The following ABCB11 variants were observed in gnomAD, a reference collection of about 807,000 sequenced individuals.
ABCB11 encodes the protein bile salt export pump.
A neutral mutation model predicts 148.0 loss-of-function variants in ABCB11; 95 were observed. The ratio of observed to expected loss-of-function variants is 0.64; its 90% CI spans 0.54 to 0.76. The LOEUF (loss-of-function observed/expected upper bound fraction) is 0.76. Among genes scored for constraint, ABCB11 ranks in the 30% least tolerant of loss-of-function variants. ABCB11 has a pLI of 0.00. For missense variants in ABCB11, 1,523 were observed against 1,617.8 expected (o/e 0.94, Z 1.01); for synonymous variants, 591 against 555.4 (o/e 1.06, Z -0.90).
intron 9 of ABCB11, among the ~76,000 whole-genome samples, chr2:168,988,734 G>A (rs1694413719): frequency 6.6e-6 from 1 of 152,038 alleles, no homozygotes; most frequent in African/African-American, 2.4e-5. Context: ...AAAGCGATCC[G>A]TGTAACAGTG....
Position 168,945,683 on chromosome 2 carries a change from A to G in ABCB11, c.2344-722T>C, listed in dbSNP as rs182114053. ...AGGGAAGGAAGGGAGGGAGGGAGGG[A>G]ATCGAGATCTGGAAATGTTGTCTGG... On this transcript the variant is annotated intron_variant, in intron 19 of 27. Transcript: ENST00000650372. Among the ~76,000 whole-genome samples, 292 of 151,510 alleles carry G rather than the reference A, an allele frequency of 1.9e-3. 4 individuals are homozygous for G. The highest frequency in any genetic ancestry group is 6.4e-3 in the African/African-American group (266 of 41,368).
chr2:168,985,135 A>G (rs962915243), intron 10 of ABCB11, among the ~76,000 whole-genome samples: 8 of 151,576 alleles, frequency 5.3e-5, no homozygotes, highest in Admixed American at 2.6e-4. Context: ...GCCAACAAAC[A>G]TATGAAAAAA....
chr2:169,006,581 A>C (rs142508262), intron 5 of ABCB11, among the ~76,000 whole-genome samples: 6 of 150,100 alleles, frequency 4.0e-5, no homozygotes, highest in Admixed American at 1.3e-4. Flanking sequence ...AATAAAATAA[A>C]ATAAAAAAGG....
intron 14 of ABCB11, among the ~76,000 whole-genome samples, chr2:168,971,610 T>C (rs935892477): frequency 6.6e-6 from 1 of 152,074 alleles, no homozygotes; most frequent in Non-Finnish European, 1.5e-5. Context: ...TTTAATATAT[T>C]ACCAACAAAG....
chr2:168,953,352 T>G (rs887927194), intron 19 of ABCB11, among the ~76,000 whole-genome samples: 1 of 151,688 alleles, frequency 6.6e-6, no homozygotes, highest in Non-Finnish European at 1.5e-5. Context: ...TAGTTTTGCT[T>G]ATATTTGTTT....
At chr2:168,953,861 T>G (rs560911728) in intron 19 of ABCB11, among the ~76,000 whole-genome samples, 3 of 151,746 alleles carry the variant, frequency 2.0e-5, no homozygotes, top group Admixed American at 6.6e-5. Flanking sequence ...CTCAAAAGAA[T>G]GTAACCATTT....
rs150762316 is a variant in ABCB11 at position 168,994,238 on chromosome 2, G to A, written c.612-356C>T. Among the ~76,000 whole-genome samples the A allele has an allele frequency of 1.3e-3, 198 of 152,110 alleles. 1 individual carries two copies. Among genetic ancestry groups the A allele is most frequent in the Middle Eastern group, 3.4e-3 (1 of 294 alleles). On this transcript the variant is annotated intron_variant, in intron 7 of 27. Coordinates refer to ENST00000650372, the MANE Select transcript of ABCB11 (RefSeq NM_003742.4). ...GCCTGCTGAATCCTTTCAGCCTCAA[G>A]GTTCTAGTCACATACCTTCTCGTGC... is the stretch of plus-strand genomic sequence containing the variant.
chr2:168,974,005 G>A lies in ABCB11; in HGVS notation c.1309-165C>T, dbSNP rs2287621. Among the ~76,000 whole-genome samples, 100,808 of 151,776 alleles carry A rather than the reference G, an allele frequency of 0.66. 34,132 individuals are homozygous for A. The highest frequency in any genetic ancestry group is 0.79 in the African/African-American group (32,722 of 41,410). On this transcript the variant is annotated intron_variant, in intron 12 of 27. Transcript: ENST00000650372. ...GAAATCCATCAAAAACCAGTAAAAGGAAACATTGGCAAGGATGAGGTTTTG... is the reference window on the plus strand; with the variant it reads ...GAAATCCATCAAAAACCAGTAAAAGAAAACATTGGCAAGGATGAGGTTTTG...
chr2:169,008,748 T>C (rs1427364276), intron 5 of ABCB11, among the ~76,000 whole-genome samples: 1 of 152,138 alleles, frequency 6.6e-6, no homozygotes, highest in Non-Finnish European at 1.5e-5. Flanking sequence ...CCTAGAATAG[T>C]TAAACATAGA....
intron 19 of ABCB11, among the ~76,000 whole-genome samples, chr2:168,952,248 A>C (rs2105924808): frequency 6.6e-6 from 1 of 151,772 alleles, no homozygotes; most frequent in Admixed American, 6.6e-5. Flanking sequence ...TTGTAGAATG[A>C]GTTAGGGAGA....
intron 7 of ABCB11, among the ~76,000 whole-genome samples, chr2:168,994,400 A>G (rs974964876): frequency 6.6e-6 from 1 of 152,102 alleles, no homozygotes; most frequent in African/African-American, 2.4e-5. Flanking sequence ...AGTAGTGGTG[A>G]AGAGTGCAGA....
rs752485915 is a variant in ABCB11 at position 168,922,360 on chromosome 2, G to A, written c.*1262C>T. 9.9e-5 allele frequency among the ~76,000 whole-genome samples: 15 copies of A among 152,104 alleles called. No individual in the cohort carries two copies. The highest frequency in any genetic ancestry group is 1.7e-4 in the African/African-American group (7 of 41,408). ...TCAGAGAGGGAGTATGCAGTTTCTCGCTGGAACTGGGGAAAGGCAGCCATC... is the reference window on the plus strand; with the variant it reads ...TCAGAGAGGGAGTATGCAGTTTCTCACTGGAACTGGGGAAAGGCAGCCATC... On this transcript the variant is annotated 3_prime_UTR_variant, in exon 28 of 28. Coordinates refer to ENST00000650372, the MANE Select transcript of ABCB11 (RefSeq NM_003742.4).
At chr2:168,930,379 T>C (rs1031969985) in intron 25 of ABCB11, among the ~76,000 whole-genome samples, 1 of 152,242 alleles carries the variant, frequency 6.6e-6, no homozygotes, top group African/African-American at 2.4e-5. Context: ...TACGGGTAAG[T>C]GAGTGCTTCT....
chr2:169,002,121 C>T lies in ABCB11; in HGVS notation c.390-5399G>A, dbSNP rs371410430. Among the ~76,000 whole-genome samples, 53 of 152,190 alleles carry T rather than the reference C, an allele frequency of 3.5e-4. 1 individual carries two copies. In the South Asian group the frequency reaches 0.01, roughly 30 times the overall value. ...CCGTAAGAACCCAGGAGTGGCTATA[C>T]TAATATCAGACAAAATGGACTTTAA... is the stretch of plus-strand genomic sequence containing the variant. On this transcript the variant is annotated intron_variant, in intron 5 of 27. Transcript: ENST00000650372.
At chr2:168,999,155 A>G (rs1294818411) in intron 5 of ABCB11, among the ~76,000 whole-genome samples, 1 of 152,102 alleles carries the variant, frequency 6.6e-6, no homozygotes, top group East Asian at 1.9e-4. Context: ...TTTGTTGAAT[A>G]GCAAAGAAGG....
At position 169,003,235 on chromosome 2, in the gene ABCB11, A is replaced by G. The variant is rs546434951; in HGVS notation, c.390-6513T>C. Among the ~76,000 whole-genome samples, 3 of 151,944 alleles carry G rather than the reference A, an allele frequency of 2.0e-5. No homozygotes were observed. In the South Asian group the frequency reaches 6.2e-4, roughly 31 times the overall value. ...TAGTTTTCCATTCCTGAGTTACTTC[A>G]CTTAGAATAATAGTCTCCAATTCCA... On this transcript the variant is annotated intron_variant, in intron 5 of 27. Transcript: ENST00000650372.
rs924091150 is a variant in ABCB11, at chr2:168,922,895, G to C, written c.*727C>G. ...GCTGAGGAGTAAAAGGCCTGGGAGAGAGTCCCTGCTCCAGCCACACTGGTA... is the reference window on the plus strand; with the variant it reads ...GCTGAGGAGTAAAAGGCCTGGGAGACAGTCCCTGCTCCAGCCACACTGGTA... On this transcript the variant is annotated 3_prime_UTR_variant, in exon 28 of 28. Transcript: ENST00000650372. The C allele has an allele frequency of 2.6e-5, 4 of 152,186 alleles. No homozygotes were observed. The highest frequency in any genetic ancestry group is 9.7e-5 in the African/African-American group (4 of 41,422). 9.4% of individuals were successfully genotyped at this position (152,186 alleles called of 1,614,324 possible).
intron 5 of ABCB11, among the ~76,000 whole-genome samples, chr2:169,009,825 C>A (rs191871195): frequency 6.6e-6 from 1 of 152,194 alleles, no homozygotes; most frequent in East Asian, 1.9e-4. Context: ...TTGTACACTT[C>A]GAGTGGGTGA....
Position 168,986,154 on chromosome 2 carries a change from G to C in ABCB11, c.1039C>G (p.Leu347Val). ...YALAFWYGST[L>V]VLDEGEYTPG... Reference sequence around the variant, plus strand: ...GTATATTCTCCTTCATCCAGGACAAGTGTGGAGCCGTACCAGAAGGCCAGT... The same window carrying C: ...GTATATTCTCCTTCATCCAGGACAACTGTGGAGCCGTACCAGAAGGCCAGT... Residue 347 changes from leucine (L) to valine (V), a missense_variant, in exon 10 of 28, where the codon CTT (leucine) becomes GTT (valine). Coordinates refer to ENST00000650372, the MANE Select transcript of ABCB11 (RefSeq NM_003742.4). 3 of 1,612,966 alleles carry C rather than the reference G, an allele frequency of 1.9e-6. No individual in the cohort carries two copies. The highest frequency in any genetic ancestry group is 1.3e-5 in the African/African-American group (1 of 74,970).
Sources: gnomAD v4.1 joint callset for allele counts (sites outside exome capture counted in the v4.1 genomes callset) on GRCh38, gnomAD v4.1.1 for gene constraint, MANE v1.5 for transcripts, NCBI Gene and HGNC (gene_info 2026-07-23, HGNC 2026-07-21) for gene names.